The following LHFPL2 variants were observed in gnomAD, a reference collection of about 807,000 sequenced individuals.
LHFPL2 encodes the protein LHFPL tetraspan subfamily member 2.
LHFPL2 carries 7 observed loss-of-function variants against 17.5 expected under a neutral mutation model. That is an observed-to-expected ratio of 0.40 (90% CI 0.23 to 0.75). LHFPL2 has a LOEUF of 0.75. LHFPL2 is among the 30% of genes least tolerant of loss of function. LHFPL2 has a pLI of 0.37. For missense variants in LHFPL2, 241 were observed against 294.8 expected (o/e 0.82, Z 1.34); for synonymous variants, 134 against 116.2 (o/e 1.15, Z -0.99).
chr5:78,604,176 T>G (rs112692069), intron 2 of LHFPL2, among the ~76,000 whole-genome samples: 1 of 152,072 alleles, frequency 6.6e-6, no homozygotes, highest in East Asian at 1.9e-4. Context: ...CACATAGATA[T>G]AATATCAGAA....
chr5:78,576,161 G>A (rs749319802), intron 2 of LHFPL2, among the ~76,000 whole-genome samples: 3 of 152,208 alleles, frequency 2.0e-5, no homozygotes, highest in Non-Finnish European at 2.9e-5. Flanking sequence ...CGGGCGTGGT[G>A]GTGGGTGCCT....
chr5:78,584,608 T>A (rs1173913648), intron 2 of LHFPL2, among the ~76,000 whole-genome samples: 2 of 151,896 alleles, frequency 1.3e-5, no homozygotes, highest in African/African-American at 4.8e-5. Flanking sequence ...GGGTCAGGGG[T>A]CAGGGACCCA....
At chr5:78,536,402 C>A (rs560094296) in intron 3 of LHFPL2, among the ~76,000 whole-genome samples, 31 of 152,346 alleles carry the variant, frequency 2.0e-4, no homozygotes, top group Middle Eastern at 3.4e-3. Context: ...AGAACCAACA[C>A]AAGTTCTGGC....
chr5:78,511,647 A>C (rs1755131539), intron 3 of LHFPL2, among the ~76,000 whole-genome samples: 1 of 152,206 alleles, frequency 6.6e-6, no homozygotes, highest in Non-Finnish European at 1.5e-5. Flanking sequence ...GAAGCGGAGA[A>C]ATAAGGAAGC....
In LHFPL2 at chr5:78,486,942, T is replaced by G. The variant is rs567116072; in HGVS notation, c.*1955A>C. The G allele has an allele frequency of 6.6e-5, 10 of 152,336 alleles. No individual in the cohort carries two copies. The highest frequency in any genetic ancestry group is 7.3e-5 in the Non-Finnish European group (5 of 68,034). The allele number at this position is 152,336 out of a possible 1,614,324, so 9.4% of individuals were successfully genotyped here. ...AAATTTTGTGTTTTTCATCAAGGTT[T>G]GAGACTTGGTTAGAACATTATAAAT... On this transcript the variant is annotated 3_prime_UTR_variant, in exon 5 of 5. Coordinates refer to ENST00000380345, the MANE Select transcript of LHFPL2 (RefSeq NM_005779.3).
Position 78,488,223 on chromosome 5 carries a change from T to A in LHFPL2, c.*674A>T, listed in dbSNP as rs959667042. The A allele has an allele frequency of 2.6e-5, 4 of 152,454 alleles. No individual in the cohort carries two copies. The highest frequency in any genetic ancestry group is 5.9e-5 in the Non-Finnish European group (4 of 68,238). The allele number at this position is 152,454 out of a possible 1,614,324, so 9.4% of individuals were successfully genotyped here. A position where few individuals can be genotyped will look rare whatever the true frequency, so the allele number is the denominator to read the frequency against. On this transcript the variant is annotated 3_prime_UTR_variant, in exon 5 of 5. Coordinates refer to ENST00000380345, the MANE Select transcript of LHFPL2 (RefSeq NM_005779.3). ...ATTTCATATTTTTGTTCTCATATGA[T>A]TGTATAGGTCCTTATTGTTTCTTTA...
At position 78,489,304 on chromosome 5, in the gene LHFPL2, G is replaced by A. The variant is rs1754360049; in HGVS notation, c.431-151C>T. The A allele has an allele frequency of 3.9e-6, 3 of 775,666 alleles. No homozygotes were observed. The East Asian group carries it at 8.0e-5, about 21-fold the overall frequency. 48.0% of individuals were successfully genotyped at this position (775,666 alleles called of 1,614,324 possible). A position where few individuals can be genotyped will look rare whatever the true frequency, so the allele number is the denominator to read the frequency against. On this transcript the variant is annotated intron_variant, in intron 4 of 4. Coordinates refer to ENST00000380345, the MANE Select transcript of LHFPL2 (RefSeq NM_005779.3). Reference sequence around the variant, plus strand: ...GGGACTGTTTCATGCAAACTAATCTGACCTGATCAAGAAGTATCACATTAT... The same window carrying A: ...GGGACTGTTTCATGCAAACTAATCTAACCTGATCAAGAAGTATCACATTAT...
chr5:78,624,024 G>A (rs1347779976), intron 2 of LHFPL2, among the ~76,000 whole-genome samples: 1 of 152,226 alleles, frequency 6.6e-6, no homozygotes, highest in East Asian at 1.9e-4. Flanking sequence ...CACTGTGCAA[G>A]ATGAAATACA....
chr5:78,571,674 T>G (rs1421661484), intron 2 of LHFPL2, among the ~76,000 whole-genome samples: 1 of 152,030 alleles, frequency 6.6e-6, no homozygotes, highest in African/African-American at 2.4e-5. Context: ...TTCATTCAAA[T>G]CTCCATGCAA....
intron 1 of LHFPL2, among the ~76,000 whole-genome samples, chr5:78,647,800 A>T (rs147637583): frequency 6.6e-6 from 1 of 152,238 alleles, no homozygotes; most frequent in African/African-American, 2.4e-5. Context: ...AAGTTCGAAG[A>T]ACACTGGGCC....
At chr5:78,560,150 A>G (rs1289942076) in intron 3 of LHFPL2, among the ~76,000 whole-genome samples, 2 of 152,230 alleles carry the variant, frequency 1.3e-5, no homozygotes, top group Admixed American at 6.5e-5. Context: ...CCATCACCTC[A>G]TAAGGGATGT....
chr5:78,535,359 T>C (rs900816946), intron 3 of LHFPL2, among the ~76,000 whole-genome samples: 1 of 152,162 alleles, frequency 6.6e-6, no homozygotes, highest in Non-Finnish European at 1.5e-5. Context: ...TCCCCAGATC[T>C]GGAGCTGCCT....
intron 1 of LHFPL2, among the ~76,000 whole-genome samples, chr5:78,632,989 T>G (rs946118239): frequency 2.6e-5 from 4 of 152,128 alleles, no homozygotes; most frequent in African/African-American, 9.7e-5. Context: ...AAGAAAGAAG[T>G]TGGTGCCCAC....
intron 3 of LHFPL2, among the ~76,000 whole-genome samples, chr5:78,545,283 A>G (rs1756236586): frequency 6.6e-6 from 1 of 152,240 alleles, no homozygotes; most frequent in South Asian, 2.1e-4. Flanking sequence ...GGCAACACCG[A>G]AGGCTCTATC....
At chr5:78,503,370 C>T (rs10474555) in intron 4 of LHFPL2, among the ~76,000 whole-genome samples, 122,010 of 152,248 alleles carry the variant, frequency 0.8, 49,299 homozygotes, top group East Asian at 0.92. Flanking sequence ...TTTGCCATTT[C>T]CTTCCAGACT....
At chr5:78,558,745 A>G (rs1756648211) in intron 3 of LHFPL2, among the ~76,000 whole-genome samples, 1 of 152,222 alleles carries the variant, frequency 6.6e-6, no homozygotes, top group African/African-American at 2.4e-5. Flanking sequence ...GCCAGAATCT[A>G]CCGGAACATG....
intron 3 of LHFPL2, among the ~76,000 whole-genome samples, chr5:78,537,724 A>G (rs1191385539): frequency 6.6e-6 from 1 of 152,250 alleles, no homozygotes; most frequent in African/African-American, 2.4e-5. Flanking sequence ...GAAAGAAGGG[A>G]GAGCTAATCA....
chr5:78,616,420 T>C (rs530278213), intron 2 of LHFPL2, among the ~76,000 whole-genome samples: 3 of 152,122 alleles, frequency 2.0e-5, no homozygotes, highest in South Asian at 2.1e-4. Context: ...AACCACCGCG[T>C]CCATCCTCTT....
intron 3 of LHFPL2, among the ~76,000 whole-genome samples, chr5:78,520,059 C>A (rs943196975): frequency 2.0e-5 from 3 of 152,006 alleles, no homozygotes; most frequent in Admixed American, 2.0e-4. Context: ...TAAGGAAAGT[C>A]GCTGCCACGC....
Sources: gnomAD v4.1 joint callset for allele counts (sites outside exome capture counted in the v4.1 genomes callset) on GRCh38, gnomAD v4.1.1 for gene constraint, MANE v1.5 for transcripts, NCBI Gene and HGNC (gene_info 2026-07-23, HGNC 2026-07-21) for gene names.